ZNF385D: variants seen among roughly 807,000 people sequenced by gnomAD.
The protein encoded by ZNF385D is zinc finger protein 385D.
In ZNF385D, 15 loss-of-function variants were observed where a neutral mutation model predicts 35.8. That is an observed-to-expected ratio of 0.42 (90% CI 0.28 to 0.64). The LOEUF (loss-of-function observed/expected upper bound fraction) is 0.64. Ranked by LOEUF, ZNF385D falls within the 30% of genes least tolerant of loss-of-function variation. ZNF385D has a pLI of 0.23. For missense variants in ZNF385D, 474 were observed against 494.6 expected (o/e 0.96, Z 0.39); for synonymous variants, 212 against 186.8 (o/e 1.13, Z -1.10).
At chr3:21,981,709 G>C (rs1576075727) in intron 3 of ZNF385D, among the ~76,000 whole-genome samples, 2 of 152,262 alleles carry the variant, frequency 1.3e-5, no homozygotes, top group Admixed American at 1.3e-4. Flanking sequence ...TTACATTTAA[G>C]TATTCAATTC....
intron 3 of ZNF385D, among the ~76,000 whole-genome samples, chr3:21,899,075 T>A (rs1482884512): frequency 6.6e-6 from 1 of 152,100 alleles, no homozygotes; most frequent in East Asian, 1.9e-4. Context: ...ATGTTTATTA[T>A]TCCCCAGTTG....
At chr3:22,222,460 C>CA (rs1167317838) in intron 2 of ZNF385D, among the ~76,000 whole-genome samples, 2 of 152,134 alleles carry the variant, frequency 1.3e-5, no homozygotes, top group African/African-American at 2.4e-5. Flanking sequence ...TAAAGGCCCT[C>CA]AAAGGAAATG....
chr3:22,128,085 C>T (rs140066872), intron 3 of ZNF385D, among the ~76,000 whole-genome samples: 4 of 152,174 alleles, frequency 2.6e-5, no homozygotes, highest in African/African-American at 7.2e-5. Context: ...GATAAAATCT[C>T]TCAGCTTTTG....
intron 3 of ZNF385D, among the ~76,000 whole-genome samples, chr3:21,959,726 C>A (rs1460188657): frequency 6.6e-6 from 1 of 152,134 alleles, no homozygotes; most frequent in Non-Finnish European, 1.5e-5. Context: ...ATACTTGAAA[C>A]AAGAAGGATC....
intron 2 of ZNF385D, among the ~76,000 whole-genome samples, chr3:21,581,543 G>A (rs189435957): frequency 3.0e-3 from 462 of 152,216 alleles, no homozygotes; most frequent in Admixed American, 5.1e-3. Context: ...AAGATTTATT[G>A]TTAGAAAAAT....
At chr3:21,759,215 G>C (rs568224286) in intron 3 of ZNF385D, among the ~76,000 whole-genome samples, 1 of 152,134 alleles carries the variant, frequency 6.6e-6, no homozygotes, top group Non-Finnish European at 1.5e-5. Flanking sequence ...AAGGGGTTCA[G>C]GCAATCCTGA....
intron 3 of ZNF385D, among the ~76,000 whole-genome samples, chr3:22,017,014 C>A (rs1696930313): frequency 6.6e-6 from 1 of 151,762 alleles, no homozygotes. Context: ...ATAATAGTTT[C>A]TAATTTTTTA....
intron 3 of ZNF385D, among the ~76,000 whole-genome samples, chr3:21,928,311 AGGAG>A (rs1360361426): frequency 7.7e-6 from 1 of 129,920 alleles, no homozygotes. Flanking sequence ...GAAGGAAGGT[AGGAG>A]GGAGGAAGGA....
chr3:22,230,881 T>G (rs974664400), intron 2 of ZNF385D, among the ~76,000 whole-genome samples: 1 of 152,154 alleles, frequency 6.6e-6, no homozygotes, highest in Non-Finnish European at 1.5e-5. Context: ...AAGCCAGTCA[T>G]TAGAGAAATA....
intron 2 of ZNF385D, among the ~76,000 whole-genome samples, chr3:22,261,092 TATCCATCC>T (rs151146640): frequency 0.33 from 49,359 of 150,558 alleles, 8,398 homozygotes; most frequent in Non-Finnish European, 0.38. Flanking sequence ...TACAACTATC[TATCCATCC>T]ATCCATCCAT....
chr3:22,208,804 A>T (rs2125256470), intron 2 of ZNF385D, among the ~76,000 whole-genome samples: 1 of 151,996 alleles, frequency 6.6e-6, no homozygotes, highest in Admixed American at 6.6e-5. Flanking sequence ...CATTGTCAGC[A>T]GTTTCCAAAA....
At chr3:22,162,810 A>G (rs1706050480) in intron 3 of ZNF385D, among the ~76,000 whole-genome samples, 1 of 152,194 alleles carries the variant, frequency 6.6e-6, no homozygotes, top group African/African-American at 2.4e-5. Context: ...ATGTCAACAG[A>G]ATCAGAGATG....
intron 2 of ZNF385D, among the ~76,000 whole-genome samples, chr3:22,184,954 A>T (rs952316391): frequency 5.3e-5 from 8 of 151,696 alleles, no homozygotes; most frequent in Non-Finnish European, 1.2e-4. Flanking sequence ...TTTTTTTTTT[A>T]AATCCTGCCT....
At chr3:22,124,433 G>A (rs1302836839) in intron 3 of ZNF385D, among the ~76,000 whole-genome samples, 1 of 152,066 alleles carries the variant, frequency 6.6e-6, no homozygotes, top group Non-Finnish European at 1.5e-5. Context: ...CCTTTTTAGG[G>A]TATACATACT....
At chr3:21,693,942 G>A (rs1460530549) in intron 1 of ZNF385D, among the ~76,000 whole-genome samples, 7 of 145,014 alleles carry the variant, frequency 4.8e-5, no homozygotes, top group South Asian at 2.2e-4. Context: ...GCAGTTGCGC[G>A]ACCTCGGCTC....
In ZNF385D at chr3:21,646,286, CTTAT is replaced by C. The variant is rs1443458595; in HGVS notation, c.165+18596_165+18599del. ...GGAAACTGTCATACTTATGGACCTG[CTTAT>C]TTGTGATTGCGCTTATTACTGTATG... On this transcript the variant is annotated intron_variant, in intron 2 of 7. Coordinates refer to ENST00000281523, the MANE Select transcript of ZNF385D (RefSeq NM_024697.3). The surrounding 1 kb of genome is among the most constrained non-coding windows in gnomAD (Gnocchi z 4.3). 2.6e-5 allele frequency among the ~76,000 whole-genome samples: 4 copies of C among 152,108 alleles called. No individual in the cohort carries two copies. The highest frequency in any genetic ancestry group is 5.9e-5 in the Non-Finnish European group (4 of 68,022).
chr3:22,286,870 C>T lies in ZNF385D; in HGVS notation c.106+85580G>A, dbSNP rs867637512. ...TTATTTTGTTGTTGGGTGGAATGTC[C>T]TACATGTGTTGGTTAGATCCATCTG... is the stretch of plus-strand genomic sequence containing the variant. On this transcript the variant is annotated intron_variant, in intron 2 of 5. Transcript: ENST00000494108. Among the ~76,000 whole-genome samples the T allele has an allele frequency of 1.2e-4, 18 of 152,144 alleles. No homozygotes were observed. The Middle Eastern group carries it at 0.014, about 115-fold the overall frequency.
At chr3:22,317,280 C>A (rs1235844448) in intron 2 of ZNF385D, among the ~76,000 whole-genome samples, 1 of 26,098 alleles carries the variant, frequency 3.8e-5, no homozygotes, top group African/African-American at 1.7e-4. Flanking sequence ...ACTCCATCTC[C>A]AAAAAAAAAA....
At chr3:22,266,864 AG>A in intron 2 of ZNF385D, among the ~76,000 whole-genome samples, 1 of 152,048 alleles carries the variant, frequency 6.6e-6, no homozygotes, top group African/African-American at 2.4e-5. Context: ...TTTCTGGGAA[AG>A]GTAGTGTCAT....
Sources: gnomAD v4.1 joint callset for allele counts (sites outside exome capture counted in the v4.1 genomes callset) on GRCh38, gnomAD v4.1.1 for gene constraint, Gnocchi (gnomAD v3.1) non-coding constraint, MANE v1.5 for transcripts, NCBI Gene and HGNC (gene_info 2026-07-23, HGNC 2026-07-21) for gene names.